The following PPME1 variants were observed in gnomAD, a reference collection of about 807,000 sequenced individuals.
PPME1 encodes the protein testicular secretory protein Li 39.
Under a neutral mutation model 56.9 loss-of-function variants are expected in PPME1, and 17 were observed. That is an observed-to-expected ratio of 0.30 (90% CI 0.20 to 0.45). The LOEUF is 0.45. Among genes scored for constraint, PPME1 ranks in the 20% least tolerant of loss-of-function variants. The pLI is 1.00. For missense variants in PPME1, 357 were observed against 483.2 expected (o/e 0.74, Z 2.45); for synonymous variants, 122 against 156.2 (o/e 0.78, Z 1.63).
intron 1 of PPME1, among the ~76,000 whole-genome samples, chr11:74,194,157 C>T (rs762302173): frequency 6.6e-5 from 10 of 151,860 alleles, no homozygotes; most frequent in Non-Finnish European, 1.5e-4. Flanking sequence ...TCTCCCTTCT[C>T]AATGCTAAGT....
chr11:74,183,423 G>A (rs1333341530), intron 1 of PPME1, among the ~76,000 whole-genome samples: 1 of 152,096 alleles, frequency 6.6e-6, no homozygotes, highest in Non-Finnish European at 1.5e-5. Flanking sequence ...AAACTATATT[G>A]GTCCAAGTGA....
chr11:74,236,859 A>C (rs757081165), intron 8 of PPME1, among the ~76,000 whole-genome samples: 1 of 152,226 alleles, frequency 6.6e-6, no homozygotes, highest in Non-Finnish European at 1.5e-5. Flanking sequence ...ACATTATTAC[A>C]CGTAAAAAAA....
chr11:74,205,829 C>T (rs1195386303), intron 3 of PPME1: 1 of 152,016 alleles, frequency 6.6e-6, no homozygotes, highest in Non-Finnish European at 1.5e-5. Flanking sequence ...GTCTCTGGAC[C>T]AGTACTGTCC....
chr11:74,221,536 T>G (rs945137757), intron 3 of PPME1, among the ~76,000 whole-genome samples: 6 of 152,214 alleles, frequency 3.9e-5, no homozygotes, highest in African/African-American at 1.4e-4. Flanking sequence ...TAATTTGTTA[T>G]GTGACCCTGG....
chr11:74,220,103 A>C (rs925741523), intron 3 of PPME1, among the ~76,000 whole-genome samples: 3 of 152,164 alleles, frequency 2.0e-5, no homozygotes, highest in Admixed American at 2.0e-4. Flanking sequence ...AGCCAAAATT[A>C]AGTTTGAGGA....
intron 1 of PPME1, among the ~76,000 whole-genome samples, chr11:74,181,484 T>C (rs1857536677): frequency 6.6e-6 from 1 of 152,226 alleles, no homozygotes; most frequent in African/African-American, 2.4e-5. Context: ...GCATTGGTAT[T>C]GTACTTTTTC....
At chr11:74,217,635 C>G (rs1858688679) in intron 3 of PPME1, among the ~76,000 whole-genome samples, 1 of 148,386 alleles carries the variant, frequency 6.7e-6, no homozygotes, top group Admixed American at 6.7e-5. Context: ...ATATGCAAAT[C>G]AATCAGTGTG....
intron 9 of PPME1, among the ~76,000 whole-genome samples, chr11:74,241,198 TGC>T (rs1859349912): frequency 6.6e-6 from 1 of 152,238 alleles, no homozygotes; most frequent in African/African-American, 2.4e-5. Context: ...TCTATAGATT[TGC>T]CTAATCTGGA....
intron 1 of PPME1, among the ~76,000 whole-genome samples, chr11:74,182,275 T>G (rs575023447): frequency 6.6e-6 from 1 of 152,326 alleles, no homozygotes; most frequent in South Asian, 2.1e-4. Context: ...TGTAGAAATA[T>G]TATTTAAATT....
At position 74,204,365 on chromosome 11, in the gene PPME1, T is replaced by C. The variant is rs375196294; in HGVS notation, c.208T>C (p.Tyr70His). ...NETGKDTFRV[Y>H]KSGSEGPVLL... The stretch of plus-strand genomic sequence containing the variant: ...TAACTATTCATACACTTTTCGAGTC[T>C]ACAAGAGTGGTTCAGAGGGTCCAGT... The change falls in exon 3 of 14, where the codon TAC becomes CAC. Residue 70 changes from tyrosine (Y) to histidine (H), a missense_variant. Tyr to His is a moderately conservative substitution (Grantham distance 83). Coordinates refer to ENST00000328257, the MANE Select transcript of PPME1 (RefSeq NM_016147.3). 3.1e-6 allele frequency: 5 copies of C among 1,612,224 alleles called. No homozygotes were observed. In the African/African-American group the frequency reaches 4.0e-5, roughly 13 times the overall value.
At chr11:74,251,467 A>G (rs1036297725) in intron 12 of PPME1, 181 bp from the exon 13 acceptor site, 5 of 1,427,496 alleles carry the variant, frequency 3.5e-6, no homozygotes, top group Non-Finnish European at 2.7e-6. Context: ...TGGCAAGGAT[A>G]GTGGGGAGGA....
At chr11:74,238,129 C>T (rs1350087176) in intron 8 of PPME1, 3 of 151,836 alleles carry the variant, frequency 2.0e-5, no homozygotes, top group Admixed American at 6.6e-5. Flanking sequence ...TCCTAATCCA[C>T]AGGCTATAGA....
chr11:74,251,083 A>G, intron 12 of PPME1, 65 bp downstream of exon 12: 2 of 1,546,322 alleles, frequency 1.3e-6, no homozygotes, highest in Non-Finnish European at 1.8e-6. Context: ...GTCACAGAAG[A>G]CAAGTCTCTG....
chr11:74,197,109 A>G (rs113973022), intron 1 of PPME1, among the ~76,000 whole-genome samples: 1 of 152,166 alleles, frequency 6.6e-6, no homozygotes, highest in Admixed American at 6.5e-5. Context: ...GGTGATCTCT[A>G]TGTCTGTTCT....
intron 1 of PPME1, among the ~76,000 whole-genome samples, chr11:74,180,507 A>G (rs1857504138): frequency 6.6e-6 from 1 of 152,236 alleles, no homozygotes; most frequent in African/African-American, 2.4e-5. Flanking sequence ...GTTATACTTC[A>G]TAGAATAATA....
At chr11:74,251,817 T>G in intron 13 of PPME1, 102 bp downstream of exon 13, 1 of 1,413,484 alleles carries the variant, frequency 7.1e-7, no homozygotes, top group Non-Finnish European at 1.0e-6. Flanking sequence ...CCTGCCTGGT[T>G]TGGTCACCAT....
intron 3 of PPME1, chr11:74,205,329 A>T (rs1289327944): frequency 6.6e-6 from 1 of 152,194 alleles, no homozygotes; most frequent in African/African-American, 2.4e-5. Flanking sequence ...TCTTCCTAAT[A>T]CCTTTGACTC....
rs763251745 is a variant in PPME1 at position 74,237,275 on chromosome 11, C to CTTTTTTTTT, written c.710+1319_710+1327dup. Among the ~76,000 whole-genome samples, 488 of 127,976 alleles carry CTTTTTTTTT rather than the reference C, an allele frequency of 3.8e-3. 17 individuals carry two copies. Among genetic ancestry groups the CTTTTTTTTT allele is most frequent in the Middle Eastern group, 8.3e-3 (2 of 242 alleles). 84.0% of individuals were successfully genotyped at this position (127,976 alleles called of 152,430 possible). On this transcript the variant is annotated intron_variant, in intron 8 of 13. Coordinates refer to ENST00000328257, the MANE Select transcript of PPME1 (RefSeq NM_016147.3). ...CAGGAAGTACATAATGTCTGGTTGT[C>CTTTTTTTTT]TTTTTTTTTTTTTTTTTTGAGACAG...
At chr11:74,193,366 C>T (rs75905954) in intron 1 of PPME1, among the ~76,000 whole-genome samples, 4,040 of 152,274 alleles carry the variant, frequency 0.027, 178 homozygotes, top group African/African-American at 0.091. Context: ...TTAAAATTAC[C>T]TCCAGGCCAT....
Sources: allele counts gnomAD v4.1 joint callset (sites outside exome capture counted in the v4.1 genomes callset), GRCh38; gene constraint gnomAD v4.1.1; transcripts MANE v1.5; gene names NCBI Gene and HGNC (gene_info 2026-07-23, HGNC 2026-07-21).